WDR7: variants seen among roughly 807,000 people sequenced by gnomAD.
WDR7 encodes the protein WD repeat domain 7.
WDR7 carries 46 observed loss-of-function variants against 169.4 expected under a neutral mutation model. The observed-to-expected ratio is 0.27, with a 90% CI of 0.21 to 0.35. The LOEUF (loss-of-function observed/expected upper bound fraction) is 0.35. WDR7 is among the 10% of genes least tolerant of loss of function. WDR7 has a pLI of 1.00. For synonymous variants in WDR7, 612 were observed against 666.8 expected (o/e 0.92, Z 1.27); for missense variants, 1,534 against 1,859.3 (o/e 0.83, Z 3.22).
intron 7 of WDR7, among the ~76,000 whole-genome samples, chr18:56,690,806 CTT>C (rs1461991778): frequency 1.1e-4 from 9 of 79,462 alleles, no homozygotes; most frequent in Non-Finnish European, 2.9e-5. Context: ...CAGAGCAAGA[CTT>C]TGTCTCAAGA....
intron 16 of WDR7, among the ~76,000 whole-genome samples, chr18:56,766,527 G>A (rs1209078840): frequency 6.6e-6 from 1 of 151,904 alleles, no homozygotes; most frequent in African/African-American, 2.4e-5. Context: ...ATATGCCATT[G>A]GTCCCATCCA....
At chr18:56,970,497 G>T (rs1257533990) in intron 26 of WDR7, among the ~76,000 whole-genome samples, 2 of 152,142 alleles carry the variant, frequency 1.3e-5, no homozygotes, top group African/African-American at 2.4e-5. Context: ...TGAGTCAACT[G>T]ATTAAAATTT....
intron 14 of WDR7, among the ~76,000 whole-genome samples, chr18:56,735,710 A>G (rs536904048): frequency 3.2e-4 from 48 of 152,348 alleles, no homozygotes; most frequent in African/African-American, 1.1e-3. Flanking sequence ...AGGGCTAGAT[A>G]GTAAATATTT....
chr18:57,021,852 T>C (rs149691317), intron 27 of WDR7, among the ~76,000 whole-genome samples: 4 of 152,326 alleles, frequency 2.6e-5, no homozygotes, highest in African/African-American at 9.6e-5. Context: ...TAAACAAGGC[T>C]TCAGCATAAC....
At chr18:56,687,981 G>A (rs2025477650) in intron 7 of WDR7, among the ~76,000 whole-genome samples, 1 of 152,116 alleles carries the variant, frequency 6.6e-6, no homozygotes, top group South Asian at 2.1e-4. Flanking sequence ...CAGGGGAGAG[G>A]ATTACACATG....
chr18:56,731,519 T>A lies in WDR7; in HGVS notation c.1911T>A (p.Leu637=), dbSNP rs369294082. ...NLKQAMTRRS[L]AALKNMAHHK... The stretch of plus-strand genomic sequence containing the variant: ...AACAAGCTATGACGAGACGTAGTCT[T>A]GCTGCTCTTAAAAATATGGCCCATC... The change falls in exon 14 of 28, where the codon CTT becomes CTA. Residue 637 remains leucine, a synonymous_variant. Coordinates refer to ENST00000254442, the MANE Select transcript of WDR7 (RefSeq NM_015285.3). The A allele has an allele frequency of 1.2e-6, 2 of 1,614,042 alleles. No homozygotes were observed. The highest frequency in any genetic ancestry group is 1.3e-5 in the African/African-American group (1 of 74,918).
intron 3 of WDR7, among the ~76,000 whole-genome samples, chr18:56,680,577 T>G (rs967067460): frequency 1.8e-4 from 28 of 152,238 alleles, no homozygotes; most frequent in African/African-American, 6.5e-4. Context: ...AAGAAAACTC[T>G]AATAATATCA....
intron 20 of WDR7, among the ~76,000 whole-genome samples, chr18:56,821,365 G>A (rs562426426): frequency 9.9e-5 from 15 of 152,180 alleles, no homozygotes; most frequent in African/African-American, 3.4e-4. Flanking sequence ...CAGATATGTA[G>A]TTGAGGAAAC....
chr18:56,696,956 T>TC (rs949577525), intron 12 of WDR7, among the ~76,000 whole-genome samples: 2 of 152,236 alleles, frequency 1.3e-5, no homozygotes, highest in Non-Finnish European at 2.9e-5. Context: ...TTGGAAAATT[T>TC]CATACATACC....
At chr18:56,928,267 C>T (rs997333461) in intron 22 of WDR7, among the ~76,000 whole-genome samples, 1 of 152,080 alleles carries the variant, frequency 6.6e-6, no homozygotes, top group Non-Finnish European at 1.5e-5. Context: ...AGTTTGAAAA[C>T]AGCCTGGGTA....
intron 25 of WDR7, chr18:56,957,258 A>C (rs2047264941): frequency 6.6e-6 from 1 of 152,142 alleles, no homozygotes; most frequent in African/African-American, 2.4e-5. Flanking sequence ...TTTTGTATTA[A>C]AGGTTAGAAA....
chr18:56,809,152 A>G (rs756905735), intron 19 of WDR7, among the ~76,000 whole-genome samples: 1 of 152,026 alleles, frequency 6.6e-6, no homozygotes, highest in Non-Finnish European at 1.5e-5. Flanking sequence ...TATAATGTAC[A>G]TTGGTTTTTT....
intron 21 of WDR7, among the ~76,000 whole-genome samples, chr18:56,900,176 T>G (rs1309219629): frequency 6.6e-6 from 1 of 151,234 alleles, no homozygotes. Context: ...AAATTTTATC[T>G]TGTCATCTAT....
At chr18:56,676,139 T>G (rs984320016) in intron 2 of WDR7, among the ~76,000 whole-genome samples, 3 of 152,230 alleles carry the variant, frequency 2.0e-5, no homozygotes, top group African/African-American at 7.2e-5. Context: ...TTTCTCTGTC[T>G]CTTCTTATAG....
chr18:56,726,093 C>T (rs1050432600), intron 13 of WDR7, among the ~76,000 whole-genome samples: 4 of 152,196 alleles, frequency 2.6e-5, no homozygotes, highest in African/African-American at 9.7e-5. Flanking sequence ...TAGCATGATG[C>T]CTCCAGCTTT....
intron 19 of WDR7, among the ~76,000 whole-genome samples, chr18:56,794,016 G>T (rs185533855): frequency 6.6e-6 from 1 of 152,176 alleles, no homozygotes; most frequent in African/African-American, 2.4e-5. Flanking sequence ...TTTGTTAAAT[G>T]ATCTGTTTGC....
chr18:56,832,212 A>G (rs1391263979), intron 20 of WDR7, among the ~76,000 whole-genome samples: 2 of 152,160 alleles, frequency 1.3e-5, no homozygotes, highest in African/African-American at 4.8e-5. Context: ...CACGGTGTAA[A>G]CAAAGCTTCC....
At chr18:56,819,098 T>C (rs1405732600) in intron 20 of WDR7, among the ~76,000 whole-genome samples, 1 of 152,192 alleles carries the variant, frequency 6.6e-6, no homozygotes, top group Non-Finnish European at 1.5e-5. Flanking sequence ...CAGAATACTT[T>C]TTGAAATTTT....
intron 16 of WDR7, among the ~76,000 whole-genome samples, chr18:56,768,439 T>C (rs551706742): frequency 4.6e-5 from 7 of 152,172 alleles, no homozygotes; most frequent in Admixed American, 1.3e-4. Flanking sequence ...AAATATATAG[T>C]GTTAATTGTT....
Sources: allele counts gnomAD v4.1 joint callset (sites outside exome capture counted in the v4.1 genomes callset), GRCh38; gene constraint gnomAD v4.1.1; transcripts MANE v1.5; gene names NCBI Gene and HGNC (gene_info 2026-07-23, HGNC 2026-07-21).